Variants in CDH9 observed in about 807,000 individuals in gnomAD.
The protein encoded by CDH9 is cadherin 9, also known as cadherin-9.
A neutral mutation model predicts 70.9 loss-of-function variants in CDH9; 28 were observed. The ratio of observed to expected loss-of-function variants is 0.40; its 90% CI spans 0.29 to 0.54. The LOEUF (loss-of-function observed/expected upper bound fraction) is 0.54, where lower values mean the gene tolerates loss of function less well. Among genes scored for constraint, CDH9 ranks in the 20% least tolerant of loss-of-function variants. CDH9 has a pLI of 0.59. For missense variants in CDH9, 874 were observed against 984.4 expected (o/e 0.89, Z 1.50); for synonymous variants, 409 against 343.1 (o/e 1.19, Z -2.12).
chr5:26,952,793 G>A (rs1032106983), intron 2 of CDH9, among the ~76,000 whole-genome samples: 1 of 150,648 alleles, frequency 6.6e-6, no homozygotes, highest in Non-Finnish European at 1.5e-5. Context: ...TCATGGGATT[G>A]ATACTGGAGG....
chr5:26,953,658 C>T (rs974430278), intron 2 of CDH9, among the ~76,000 whole-genome samples: 3 of 152,204 alleles, frequency 2.0e-5, no homozygotes, highest in African/African-American at 4.8e-5. Context: ...AAGTCTTCCA[C>T]TACACATGCC....
chr5:26,928,687 A>G (rs1741387787), intron 2 of CDH9, among the ~76,000 whole-genome samples: 1 of 152,048 alleles, frequency 6.6e-6, no homozygotes, highest in Admixed American at 6.6e-5. Flanking sequence ...AAATAAATCC[A>G]TACATCCGCA....
chr5:26,887,143 A>T (rs1740578796), intron 9 of CDH9, among the ~76,000 whole-genome samples: 1 of 152,112 alleles, frequency 6.6e-6, no homozygotes, highest in Non-Finnish European at 1.5e-5. Flanking sequence ...ATGTAACTGT[A>T]TTTTTAATAA....
chr5:27,001,712 T>C (rs1007483027), intron 1 of CDH9, among the ~76,000 whole-genome samples: 1 of 152,126 alleles, frequency 6.6e-6, no homozygotes, highest in Non-Finnish European at 1.5e-5. Flanking sequence ...TAGTGTCTAA[T>C]ACCATTTTCC....
At chr5:27,012,686 G>A (rs16896450) in intron 1 of CDH9, among the ~76,000 whole-genome samples, 3,525 of 152,054 alleles carry the variant, frequency 0.023, 153 homozygotes, top group African/African-American at 0.081. Flanking sequence ...AAACAATTAA[G>A]AAAGTATCCC....
At chr5:26,903,342 T>C (rs924546457) in intron 6 of CDH9, 4 of 469,084 alleles carry the variant, frequency 8.5e-6, no homozygotes, top group African/African-American at 8.0e-5. Context: ...GAAATAATGA[T>C]GGCTGTGTGT....
chr5:26,963,503 A>G (rs1284731709), intron 2 of CDH9, among the ~76,000 whole-genome samples: 1 of 152,172 alleles, frequency 6.6e-6, no homozygotes, highest in Admixed American at 6.5e-5. Flanking sequence ...CATTTTTTAT[A>G]ACTTATTGAA....
chr5:26,965,325 C>T (rs1490676624), intron 2 of CDH9, among the ~76,000 whole-genome samples: 1 of 152,096 alleles, frequency 6.6e-6, no homozygotes, highest in Non-Finnish European at 1.5e-5. Context: ...CCTGTAATCC[C>T]AGCACTTTGG....
chr5:26,941,021 A>G (rs1272844631), intron 2 of CDH9, among the ~76,000 whole-genome samples: 1 of 152,246 alleles, frequency 6.6e-6, no homozygotes, highest in East Asian at 1.9e-4. Flanking sequence ...GGTTTAATAA[A>G]TAATCACTGA....
At chr5:26,912,516 A>G (rs2112001422) in intron 3 of CDH9, among the ~76,000 whole-genome samples, 1 of 150,786 alleles carries the variant, frequency 6.6e-6, no homozygotes, top group South Asian at 2.1e-4. Flanking sequence ...TTTTATATAT[A>G]TACAGATATA....
chr5:27,016,453 C>G (rs2112120452), intron 1 of CDH9, among the ~76,000 whole-genome samples: 1 of 151,872 alleles, frequency 6.6e-6, no homozygotes, highest in South Asian at 2.1e-4. Context: ...AGAGAACCCA[C>G]TTTTCCAATA....
At chr5:26,982,673 G>T (rs1742418319) in intron 2 of CDH9, among the ~76,000 whole-genome samples, 1 of 151,580 alleles carries the variant, frequency 6.6e-6, no homozygotes, top group South Asian at 2.1e-4. Flanking sequence ...CTATGAATAA[G>T]TTTTTTTTGT....
intron 1 of CDH9, among the ~76,000 whole-genome samples, chr5:26,996,679 C>G (rs995491514): frequency 6.6e-6 from 1 of 151,344 alleles, no homozygotes; most frequent in Non-Finnish European, 1.5e-5. Flanking sequence ...TATATGTGTA[C>G]ATGTATAAAT....
intron 2 of CDH9, among the ~76,000 whole-genome samples, chr5:26,918,762 G>A (rs542638921): frequency 1.8e-4 from 27 of 152,218 alleles, no homozygotes; most frequent in Admixed American, 1.2e-3. Flanking sequence ...ACTCAGACTC[G>A]ATGTGGAACT....
rs543634453 is a variant in CDH9 at position 26,900,292 on chromosome 5, C to T, written c.1253+2184G>A. Among the ~76,000 whole-genome samples, 5 of 152,166 alleles carry T rather than the reference C, an allele frequency of 3.3e-5. No homozygotes were observed. In the South Asian group the frequency reaches 1.0e-3, roughly 32 times the overall value. On this transcript the variant is annotated intron_variant, in intron 7 of 11. Transcript: ENST00000231021. Reference sequence around the variant, plus strand: ...GAAACATTCTAATTCTGTGCAAACTCTTTCAGAAAATTAAAGAGCATATTA... The same window carrying T: ...GAAACATTCTAATTCTGTGCAAACTTTTTCAGAAAATTAAAGAGCATATTA...
chr5:26,947,466 C>A (rs182861221), intron 2 of CDH9, among the ~76,000 whole-genome samples: 1 of 152,244 alleles, frequency 6.6e-6, no homozygotes, highest in East Asian at 1.9e-4. Context: ...TGACAGAACT[C>A]AATTATGGCT....
intron 3 of CDH9, 21 bp from the exon 4 acceptor site, chr5:26,906,859 C>G: frequency 6.3e-7 from 1 of 1,581,254 alleles, no homozygotes; most frequent in Non-Finnish European, 8.6e-7. Context: ...CCCCCATCCC[C>G]AAACAGAGAC....
intron 10 of CDH9, 46 bp downstream of exon 10, chr5:26,885,920 G>GTATC: frequency 6.3e-7 from 1 of 1,590,704 alleles, no homozygotes; most frequent in Non-Finnish European, 8.6e-7. Context: ...TTTTAACTGT[G>GTATC]TATCTTAAAG....
rs1251980559 is a variant in CDH9, at chr5:26,881,640, G to A, written c.1883-17C>T. The A allele has an allele frequency of 6.3e-7, 1 of 1,587,310 alleles. No homozygotes were observed. The highest frequency in any genetic ancestry group is 1.8e-5 in the Admixed American group (1 of 55,262). On this transcript the variant is annotated splice_polypyrimidine_tract_variant and intron_variant, in intron 11 of 11. Coordinates refer to ENST00000231021, the MANE Select transcript of CDH9 (RefSeq NM_016279.4). ...CGACTAAAACTATTAATAAGAAATG[G>A]GAAAATAGTGAGATTTCATGAGTCA...
Sources: allele counts gnomAD v4.1 joint callset (sites outside exome capture counted in the v4.1 genomes callset), GRCh38; gene constraint gnomAD v4.1.1; transcripts MANE v1.5; gene names NCBI Gene and HGNC (gene_info 2026-07-23, HGNC 2026-07-21).